THOC2: variants seen among roughly 807,000 people sequenced by gnomAD.
THOC2 encodes THO complex 2.
THOC2 carries 10 observed loss-of-function variants against 128.4 expected under a neutral mutation model. That is an observed-to-expected ratio of 0.08 (90% CI 0.05 to 0.13). THOC2 has a LOEUF of 0.13. Among genes scored for constraint, THOC2 ranks in the 10% least tolerant of loss-of-function variants. The pLI, the probability that THOC2 is intolerant of heterozygous loss-of-function variation, is 1.00. For synonymous variants in THOC2, 393 were observed against 396.9 expected, an observed-to-expected ratio of 0.99 and a Z score of 0.12; for missense variants, 535 against 1,155.7, an observed-to-expected ratio of 0.46 and a Z score of 7.79.
At chrX:123,710,168 G>A (rs887037243) in intron 2 of THOC2, among the ~76,000 whole-genome samples, 2 of 112,030 alleles carry the variant, frequency 1.8e-5, no homozygotes, top group Non-Finnish European at 3.8e-5. Flanking sequence ...GATCAGCCAA[G>A]GAGTATATGT....
chrX:123,712,986 T>C, intron 1 of THOC2, 78 bp from the exon 2 acceptor site: 1 of 685,713 alleles, frequency 1.5e-6, no homozygotes, highest in Non-Finnish European at 2.2e-6. Context: ...TTATATCAAC[T>C]GGCAAGTAAA....
chrX:123,639,559 A>G (rs2047824695), intron 16 of THOC2, among the ~76,000 whole-genome samples: 2 of 111,640 alleles, frequency 1.8e-5, no homozygotes, highest in African/African-American at 6.5e-5. Flanking sequence ...TTATTGGTAC[A>G]TAGAAATGCT....
At chrX:123,639,827 T>G (rs2047837569) in intron 16 of THOC2, among the ~76,000 whole-genome samples, 1 of 111,815 alleles carries the variant, frequency 8.9e-6, no homozygotes, top group African/African-American at 3.2e-5. Flanking sequence ...AAAAAGGAAA[T>G]AATTCCAGGC....
chrX:123,612,822 GT>G (rs1434732830), intron 36 of THOC2, among the ~76,000 whole-genome samples: 1 of 111,572 alleles, frequency 9.0e-6, no homozygotes, highest in Non-Finnish European at 1.9e-5. Context: ...ATATAACAAT[GT>G]TTTGGAAACA....
At chrX:123,676,385 G>C (rs1426983554) in intron 8 of THOC2, among the ~76,000 whole-genome samples, 1 of 111,817 alleles carries the variant, frequency 8.9e-6, no homozygotes, top group Non-Finnish European at 1.9e-5. Context: ...AGGAGTGTGG[G>C]CTTCTATCAC....
chrX:123,609,203 T>C (rs1285685252), intron 38 of THOC2, among the ~76,000 whole-genome samples: 1 of 111,967 alleles, frequency 8.9e-6, no homozygotes, highest in Non-Finnish European at 1.9e-5. Flanking sequence ...AAAAGAAAGG[T>C]TAAAATGAGG....
In THOC2 at chrX:123,668,213, T is replaced by C; in HGVS notation, c.963A>G (p.Glu321=). 8.3e-7 allele frequency: 1 copy of C among 1,200,766 alleles called. No homozygotes were observed. Among genetic ancestry groups the C allele is most frequent in the South Asian group, 1.8e-5 (1 of 54,449 alleles). ...RKLTMVVLSS[E]KMDEREKEKE... is the part of the protein sequence containing the mutation. ...TTTCTTTCTCTCGCTCATCCATTTT[T>C]TCAGAAGACAACACAACCATCGTAA... Residue 321 remains glutamate, a synonymous_variant, in exon 10 of 39, where the codon GAA becomes GAG. Coordinates refer to ENST00000245838, the MANE Select transcript of THOC2 (RefSeq NM_001081550.2).
At chrX:123,604,816 TCTTCA>T (rs980672610) in intron 38 of THOC2, among the ~76,000 whole-genome samples, 1 of 111,974 alleles carries the variant, frequency 8.9e-6, no homozygotes, top group African/African-American at 3.2e-5. Context: ...TGGTTAAGTG[TCTTCA>T]CTTCACAGGA....
chrX:123,691,880 T>C (rs1329491530), intron 7 of THOC2, among the ~76,000 whole-genome samples: 1 of 112,422 alleles, frequency 8.9e-6, no homozygotes, highest in East Asian at 2.8e-4. Flanking sequence ...CATTTAGCGG[T>C]CTGTTTTTGT....
intron 2 of THOC2, among the ~76,000 whole-genome samples, chrX:123,709,064 A>G (rs1410221821): frequency 2.7e-5 from 3 of 112,107 alleles, no homozygotes; most frequent in African/African-American, 9.7e-5. Flanking sequence ...CGAGTTTTCT[A>G]AATGCCTATT....
intron 18 of THOC2, among the ~76,000 whole-genome samples, chrX:123,636,925 G>C (rs1435262014): frequency 8.9e-6 from 1 of 112,111 alleles, no homozygotes. Flanking sequence ...TGAGCAAAAG[G>C]CTCCATGGGA....
chrX:123,617,853 G>A (rs2046950975), intron 33 of THOC2, among the ~76,000 whole-genome samples: 1 of 111,382 alleles, frequency 9.0e-6, no homozygotes, highest in Admixed American at 9.5e-5. Context: ...GGTTAAGACT[G>A]ACATAAACAA....
chrX:123,690,529 A>T (rs114383027), intron 7 of THOC2, among the ~76,000 whole-genome samples: 1,565 of 111,898 alleles, frequency 0.014, 30 homozygotes, highest in African/African-American at 0.048. Flanking sequence ...AAAAATAACC[A>T]GTTATGTTAC....
Position 123,627,939 on chromosome X carries a change from T to C in THOC2, c.2511A>G (p.Glu837=), listed in dbSNP as rs1160246790. ...SSKYDELKKS[E]KGSKQQHKVH... ...CTTTATGTTGCTGTTTACTTCCCTTTTCTGATTTTTTAAGTTCATCATACT... is the reference window on the plus strand; with the variant it reads ...CTTTATGTTGCTGTTTACTTCCCTTCTCTGATTTTTTAAGTTCATCATACT... Residue 837 remains glutamate (E), a synonymous_variant, in exon 23 of 39, where the codon GAA becomes GAG. Coordinates refer to ENST00000245838, the MANE Select transcript of THOC2 (RefSeq NM_001081550.2). The C allele has an allele frequency of 1.7e-6, 2 of 1,206,462 alleles. No homozygotes were observed. Among genetic ancestry groups the C allele is most frequent in the East Asian group, 5.9e-5 (2 of 33,817 alleles).
rs1158659990 is a variant in THOC2 at position 123,724,914 on chromosome X, C to CA, written c.71+8037dup. Among the ~76,000 whole-genome samples the CA allele has an allele frequency of 7.3e-5, 8 of 110,006 alleles. No homozygotes were observed. The Admixed American group carries it at 7.8e-4, about 11-fold the overall frequency. ...TAACGTGGTGAAACCCTGTCTCTAC[C>CA]AAAAACACAAACAATTAGCAGAGCA... On this transcript the variant is annotated intron_variant, in intron 1 of 38. Transcript: ENST00000245838.
intron 8 of THOC2, among the ~76,000 whole-genome samples, chrX:123,671,976 A>C (rs2049295741): frequency 8.9e-6 from 1 of 112,386 alleles, no homozygotes; most frequent in East Asian, 2.8e-4. Flanking sequence ...GAAGAACACA[A>C]GGAAAGCAAT....
In THOC2 at chrX:123,668,191, C is replaced by T. The variant is rs769616673; in HGVS notation, c.985G>A (p.Glu329Lys). ...ACTTTCTCCTCTTCTTTTTCCTTTT[C>T]TTTCTCTCGCTCATCCATTTTTTCA... is the stretch of plus-strand genomic sequence containing the variant. ...SSEKMDEREK[E>K]KEKEEEKVEK... The change falls in exon 10 of 39, where the codon GAA becomes AAA. Residue 329 changes from glutamate to lysine, a missense_variant. This residue lies in a region of THOC2 where 197 missense variants were observed against 313.4 expected (regional missense o/e 0.63). Coordinates refer to ENST00000245838, the MANE Select transcript of THOC2 (RefSeq NM_001081550.2). 2 of 1,191,928 alleles carry T rather than the reference C, an allele frequency of 1.7e-6. No homozygotes were observed. The highest frequency in any genetic ancestry group is 1.9e-5 in the South Asian group (1 of 52,520).
chrX:123,703,896 A>AAAAAAAAAAAAT (rs2050814158), intron 3 of THOC2, among the ~76,000 whole-genome samples: 1 of 102,616 alleles, frequency 9.7e-6, no homozygotes, highest in Non-Finnish European at 2.0e-5. Flanking sequence ...TCTTTAAAAA[A>AAAAAAAAAAAAT]AAAAAAAAAA....
rs996510677 is a variant in THOC2, at chrX:123,661,556, G to A, written c.1386+4086C>T. Among the ~76,000 whole-genome samples, 5 of 111,143 alleles carry A rather than the reference G, an allele frequency of 4.5e-5. No homozygotes were observed. The East Asian group carries it at 8.5e-4, about 19-fold the overall frequency. On this transcript the variant is annotated intron_variant, in intron 12 of 38. Transcript: ENST00000245838. ...ATAGGTACAAATATGCAGTTAGATC[G>A]ATGGAATGAATTCCAATGTTCAATA...
Sources: allele counts gnomAD v4.1 joint callset (sites outside exome capture counted in the v4.1 genomes callset), GRCh38; gene constraint gnomAD v4.1.1; regional missense constraint gnomAD v4.1.1; transcripts MANE v1.5; gene names NCBI Gene and HGNC (gene_info 2026-07-23, HGNC 2026-07-21).